TENM2: variants seen among roughly 807,000 people sequenced by gnomAD.
TENM2 encodes the protein teneurin-2.
TENM2 carries 52 observed loss-of-function variants against 245.2 expected under a neutral mutation model. That is an observed-to-expected ratio of 0.21 (90% CI 0.17 to 0.27). TENM2 has a LOEUF of 0.27. TENM2 is among the 10% of genes least tolerant of loss of function. TENM2 has a pLI of 1.00. For missense variants in TENM2, 3,046 were observed against 3,666.8 expected (o/e 0.83, Z 4.37); for synonymous variants, 1,363 against 1,438.9 (o/e 0.95, Z 1.19).
chr5:167,074,821 A>C, the TENM2 span, among the ~76,000 whole-genome samples: 1 of 152,066 alleles, frequency 6.6e-6, no homozygotes, highest in Non-Finnish European at 1.5e-5. Flanking sequence ...ACAGGCATTC[A>C]ATTTAATAAG....
chr5:167,012,597 A>C, the TENM2 span, among the ~76,000 whole-genome samples: 653 of 152,296 alleles, frequency 4.3e-3, 2 homozygotes, highest in Middle Eastern at 0.014. Flanking sequence ...GAATTTTGTC[A>C]AAAGAACTTT....
intron 2 of TENM2, among the ~76,000 whole-genome samples, chr5:167,619,608 C>T (rs576604673): frequency 6.6e-6 from 1 of 152,272 alleles, no homozygotes; most frequent in South Asian, 2.1e-4. Flanking sequence ...GAGACATTGA[C>T]TCTCACAGTT....
chr5:167,863,024 A>G (rs1448018308), intron 2 of TENM2, among the ~76,000 whole-genome samples: 1 of 152,210 alleles, frequency 6.6e-6, no homozygotes, highest in East Asian at 1.9e-4. Flanking sequence ...ATGTAGCCAT[A>G]CAATGCTTAA....
At chr5:168,036,606 AGCCTGG>A (rs1787688121) in intron 5 of TENM2, among the ~76,000 whole-genome samples, 1 of 148,550 alleles carries the variant, frequency 6.7e-6, no homozygotes, top group African/African-American at 2.5e-5. Flanking sequence ...ATTGCACTCT[AGCCTGG>A]GCAACAAGAG....
intron 12 of TENM2, among the ~76,000 whole-genome samples, chr5:168,141,618 CAAG>C (rs1209659699): frequency 6.6e-6 from 1 of 152,280 alleles, no homozygotes; most frequent in East Asian, 1.9e-4. Context: ...CATCCAGAAT[CAAG>C]AATGATGTTT....
intron 2 of TENM2, among the ~76,000 whole-genome samples, chr5:167,730,232 G>A (rs1397746318): frequency 3.3e-5 from 5 of 152,198 alleles, no homozygotes; most frequent in African/African-American, 1.2e-4. Context: ...AATAGTTGTA[G>A]GAAAGGGAAT....
At chr5:167,596,795 C>CAA (rs35609546) in intron 2 of TENM2, among the ~76,000 whole-genome samples, 7,799 of 131,702 alleles carry the variant, frequency 0.059, 401 homozygotes, top group East Asian at 0.17. Flanking sequence ...GATTCTGCCT[C>CAA]AAAAAAAAAA....
the TENM2 span, among the ~76,000 whole-genome samples, chr5:167,025,189 A>C: frequency 1.5e-4 from 23 of 152,324 alleles, no homozygotes; most frequent in African/African-American, 5.5e-4. Context: ...TTTTAATAAT[A>C]TATTTTTTAG....
intron 2 of TENM2, among the ~76,000 whole-genome samples, chr5:167,662,035 C>A (rs1755244407): frequency 1.3e-5 from 2 of 152,140 alleles, no homozygotes; most frequent in African/African-American, 4.8e-5. Context: ...ATGTTTCTAT[C>A]TATGGAGTAG....
At chr5:167,678,595 A>G (rs1487838918) in intron 2 of TENM2, among the ~76,000 whole-genome samples, 1 of 152,150 alleles carries the variant, frequency 6.6e-6, no homozygotes, top group Non-Finnish European at 1.5e-5. Context: ...ATTAGACTGC[A>G]TCTCATTTGA....
chr5:167,958,593 G>A (rs1218792542), intron 4 of TENM2, among the ~76,000 whole-genome samples: 1 of 152,124 alleles, frequency 6.6e-6, no homozygotes, highest in Non-Finnish European at 1.5e-5. Context: ...TTACAATTTG[G>A]TATGTTTTTG....
chr5:167,207,979 C>T, the TENM2 span, among the ~76,000 whole-genome samples: 1 of 152,196 alleles, frequency 6.6e-6, no homozygotes, highest in African/African-American at 2.4e-5. Flanking sequence ...ATCTCGAGCT[C>T]CTGACCTCAG....
chr5:167,218,153 C>T, the TENM2 span, among the ~76,000 whole-genome samples: 1 of 151,914 alleles, frequency 6.6e-6, no homozygotes, highest in African/African-American at 2.4e-5. Flanking sequence ...AAAATATTGA[C>T]TTGTTGTGAC....
intron 2 of TENM2, among the ~76,000 whole-genome samples, chr5:167,727,202 C>T (rs1206505372): frequency 3.3e-5 from 5 of 149,350 alleles, no homozygotes; most frequent in South Asian, 2.1e-4. Context: ...CTCCATCTCC[C>T]GGGTTCATGC....
intron 7 of TENM2, among the ~76,000 whole-genome samples, chr5:168,075,952 C>T (rs990674243): frequency 2.0e-5 from 3 of 152,104 alleles, no homozygotes; most frequent in Non-Finnish European, 4.4e-5. Context: ...AAAGACCCAC[C>T]CCCATGATTC....
rs571705851 is a variant in TENM2 at position 167,437,345 on chromosome 5, CA to C, written c.502+61874del. The stretch of plus-strand genomic sequence containing the variant: ...AGGCCCGTAGCCCCTTGGTTTTGGC[CA>C]ATGTCTTCCATTTGGAATGGCTGTA... On this transcript the variant is annotated intron_variant, in intron 2 of 28. Transcript: ENST00000518659. 1.1e-3 allele frequency among the ~76,000 whole-genome samples: 166 copies of C among 152,284 alleles called. 2 individuals are homozygous for C. Among genetic ancestry groups the C allele is most frequent in the Middle Eastern group, 3.4e-3 (1 of 294 alleles).
chr5:167,955,237 A>G (rs1049259481), intron 4 of TENM2, among the ~76,000 whole-genome samples: 1 of 152,080 alleles, frequency 6.6e-6, no homozygotes, highest in Non-Finnish European at 1.5e-5. Context: ...GCTTTTTTTC[A>G]TATGGTTGTT....
At chr5:167,956,986 T>A (rs1200913366) in intron 4 of TENM2, among the ~76,000 whole-genome samples, 2 of 152,178 alleles carry the variant, frequency 1.3e-5, no homozygotes, top group African/African-American at 4.8e-5. Flanking sequence ...GCTGGCCTCA[T>A]AAAATGAGTT....
intron 7 of TENM2, among the ~76,000 whole-genome samples, chr5:168,071,217 G>A (rs538158299): frequency 6.6e-6 from 1 of 152,304 alleles, no homozygotes; most frequent in South Asian, 2.1e-4. Context: ...AATATTGGAT[G>A]TAAATGAAAT....
Sources: gnomAD v4.1 joint callset for allele counts (sites outside exome capture counted in the v4.1 genomes callset) on GRCh38, gnomAD v4.1.1 for gene constraint, MANE v1.5 for transcripts, NCBI Gene and HGNC (gene_info 2026-07-23, HGNC 2026-07-21) for gene names.